The following DOCK5 variants were observed in gnomAD, a reference collection of about 807,000 sequenced individuals.
The protein encoded by DOCK5 is dedicator of cytokinesis 5.
In DOCK5, 142 loss-of-function variants were observed where a neutral mutation model predicts 251.8. The ratio of observed to expected loss-of-function variants is 0.56; its 90% confidence interval spans 0.49 to 0.65. The LOEUF is 0.65. DOCK5 is among the 30% of genes least tolerant of loss of function. The probability of loss-of-function intolerance (pLI) is 0.00; values close to 1 mark genes in which losing one functional copy is unlikely to be tolerated. For missense variants in DOCK5, 2,111 were observed against 2,312.3 expected, an observed-to-expected ratio of 0.91 and a Z score of 1.79; for synonymous variants, 842 against 835.5, an observed-to-expected ratio of 1.01 and a Z score of -0.13.
At chr8:25,341,847 C>T (rs1805963671) in intron 24 of DOCK5, 38 bp downstream of exon 24, 2 of 1,500,660 alleles carry the variant, frequency 1.3e-6, no homozygotes, top group South Asian at 1.2e-5. Context: ...TTAACTCTAA[C>T]AGAAACAGCT....
chr8:25,337,270 C>G (rs1805836155), intron 22 of DOCK5, among the ~76,000 whole-genome samples: 1 of 152,122 alleles, frequency 6.6e-6, no homozygotes, highest in Non-Finnish European at 1.5e-5. Flanking sequence ...CATCTTTTAC[C>G]TATACATTTG....
intron 2 of DOCK5, among the ~76,000 whole-genome samples, chr8:25,256,890 C>T (rs1191251156): frequency 2.1e-5 from 3 of 142,940 alleles, no homozygotes; most frequent in Admixed American, 2.1e-4. Context: ...TTCTTCTTGA[C>T]TTTTTTTTTT....
At chr8:25,247,219 AT>A (rs574428059) in intron 2 of DOCK5, among the ~76,000 whole-genome samples, 3 of 151,838 alleles carry the variant, frequency 2.0e-5, no homozygotes, top group African/African-American at 7.3e-5. Context: ...ATTTCTTCAA[AT>A]TTTTTTTCAT....
At chr8:25,290,557 T>C (rs573744573) in intron 5 of DOCK5, among the ~76,000 whole-genome samples, 1 of 152,338 alleles carries the variant, frequency 6.6e-6, no homozygotes, top group African/African-American at 2.4e-5. Context: ...CAGTTTAATA[T>C]GTGGATGGTC....
chr8:25,226,716 G>A (rs1013281477), intron 1 of DOCK5, among the ~76,000 whole-genome samples: 1 of 151,898 alleles, frequency 6.6e-6, no homozygotes, highest in Non-Finnish European at 1.5e-5. Context: ...CTCCTGAGTA[G>A]CTGGGACTAC....
chr8:25,299,148 A>C, intron 8 of DOCK5, 47 bp downstream of exon 8: 1 of 1,591,906 alleles, frequency 6.3e-7, no homozygotes. Context: ...AAAGATACCC[A>C]GCCTTCCCCT....
chr8:25,388,518 C>G (rs2117314812), intron 40 of DOCK5, among the ~76,000 whole-genome samples: 1 of 152,256 alleles, frequency 6.6e-6, no homozygotes, highest in African/African-American at 2.4e-5. Flanking sequence ...CAGTAATTTT[C>G]TATTAGACTT....
intron 39 of DOCK5, among the ~76,000 whole-genome samples, chr8:25,380,976 G>C (rs1801056473): frequency 6.6e-6 from 1 of 151,758 alleles, no homozygotes; most frequent in Admixed American, 6.6e-5. Flanking sequence ...GTGGAAGGCA[G>C]CCACCATTCT....
At chr8:25,189,987 A>G (rs1448896715) in intron 1 of DOCK5, among the ~76,000 whole-genome samples, 1 of 152,104 alleles carries the variant, frequency 6.6e-6, no homozygotes, top group African/African-American at 2.4e-5. Flanking sequence ...CCTGGGTTCA[A>G]GCGATTCTCC....
At chr8:25,255,888 A>G (rs1264723091) in intron 2 of DOCK5, among the ~76,000 whole-genome samples, 1 of 152,260 alleles carries the variant, frequency 6.6e-6, no homozygotes, top group Non-Finnish European at 1.5e-5. Flanking sequence ...CTTCTGTGTC[A>G]TAAATATTAA....
At chr8:25,276,613 G>T (rs1276295844) in intron 4 of DOCK5, among the ~76,000 whole-genome samples, 7 of 152,268 alleles carry the variant, frequency 4.6e-5, no homozygotes, top group Admixed American at 3.9e-4. Context: ...CTCACAGCTA[G>T]AAAGAGCATT....
intron 1 of DOCK5, among the ~76,000 whole-genome samples, chr8:25,204,424 C>A (rs1184745994): frequency 6.6e-6 from 1 of 152,128 alleles, no homozygotes; most frequent in Non-Finnish European, 1.5e-5. Flanking sequence ...GTTTTTCCAT[C>A]TGCAAAACAG....
In DOCK5 at chr8:25,264,148, A is replaced by G. The variant is rs553481551; in HGVS notation, c.128-4697A>G. ...GAGGTCTAGGCAGGCGAACCGCTTG[A>G]GTCCAGGAGTCCGAGACCAGCCTGA... On this transcript the variant is annotated intron_variant, in intron 2 of 51. Transcript: ENST00000276440. Among the ~76,000 whole-genome samples the G allele has an allele frequency of 3.3e-5, 5 of 151,832 alleles. No individual in the cohort carries two copies. The East Asian group carries it at 9.7e-4, about 29-fold the overall frequency.
rs555634120 is a variant in DOCK5 at position 25,283,637 on chromosome 8, G to T, written c.321+4972G>T. Reference sequence around the variant, plus strand: ...CCTTGGCATAGCTTCTCTCTTACCCGACTGCCTGCCCAAGACTCTGAAGCT... The same window carrying T: ...CCTTGGCATAGCTTCTCTCTTACCCTACTGCCTGCCCAAGACTCTGAAGCT... On this transcript the variant is annotated intron_variant, in intron 5 of 51. Coordinates refer to ENST00000276440, the MANE Select transcript of DOCK5 (RefSeq NM_024940.8). 2.0e-4 allele frequency among the ~76,000 whole-genome samples: 31 copies of T among 151,864 alleles called. No individual in the cohort carries two copies. The East Asian group carries it at 5.2e-3, about 26-fold the overall frequency.
chr8:25,339,229 G>A (rs1805889897), intron 22 of DOCK5, among the ~76,000 whole-genome samples: 1 of 152,040 alleles, frequency 6.6e-6, no homozygotes, highest in African/African-American at 2.4e-5. Flanking sequence ...CTCATTACCT[G>A]GCTGGATTTC....
At chr8:25,189,046 C>CTTTTT (rs869176300) in intron 1 of DOCK5, among the ~76,000 whole-genome samples, 44 of 33,438 alleles carry the variant, frequency 1.3e-3, no homozygotes, top group Admixed American at 1.6e-3. Flanking sequence ...TTCTTTCTTT[C>CTTTTT]TTTTTTTTTT....
Position 25,389,085 on chromosome 8 carries a change from C to T in DOCK5, c.4132-6C>T. 1 of 1,613,508 alleles carries T rather than the reference C, an allele frequency of 6.2e-7. No homozygotes were observed. Reference sequence around the variant, plus strand: ...AATGACTTCCCTTTCTGTGTCTCACCTGCAGAATAAAATCTTCATCTATCG... The same window carrying T: ...AATGACTTCCCTTTCTGTGTCTCACTTGCAGAATAAAATCTTCATCTATCG... On this transcript the variant is annotated splice_polypyrimidine_tract_variant and splice_region_variant and intron_variant, in intron 40 of 51. Coordinates refer to ENST00000276440, the MANE Select transcript of DOCK5 (RefSeq NM_024940.8).
At chr8:25,345,699 A>C in intron 26 of DOCK5, 88 bp downstream of exon 26, 260 of 1,545,360 alleles carry the variant, frequency 1.7e-4, no homozygotes, top group Middle Eastern at 4.0e-4. Context: ...TCCTATTCTC[A>C]GGTAGTTTCC....
intron 37 of DOCK5, 55 bp downstream of exon 37, chr8:25,374,709 C>T (rs544761977): frequency 6.2e-7 from 1 of 1,613,028 alleles, no homozygotes; most frequent in Non-Finnish European, 8.5e-7. Flanking sequence ...TCCTTTCAGA[C>T]TAAATTCTAT....
Sources: gnomAD v4.1 joint callset for allele counts (sites outside exome capture counted in the v4.1 genomes callset) on GRCh38, gnomAD v4.1.1 for gene constraint, MANE v1.5 for transcripts, NCBI Gene and HGNC (gene_info 2026-07-23, HGNC 2026-07-21) for gene names.